The following GET1 variants were observed in gnomAD, a reference collection of about 807,000 sequenced individuals.
The protein encoded by GET1 is congenital heart disease 5 protein.
GET1 carries 20 observed loss-of-function variants against 22.6 expected under a neutral mutation model. The ratio of observed to expected loss-of-function variants is 0.89; its 90% CI spans 0.62 to 1.29. The LOEUF (loss-of-function observed/expected upper bound fraction) is 1.29. Among genes scored for constraint, GET1 ranks in the 50% most tolerant of loss-of-function variants. The pLI, the probability that GET1 is intolerant of heterozygous loss-of-function variation, is 0.00. For synonymous variants in GET1, 92 were observed against 83.8 expected, an observed-to-expected ratio of 1.10 and a Z score of -0.53; for missense variants, 209 against 219.9, an observed-to-expected ratio of 0.95 and a Z score of 0.31.
chr21:39,407,925 C>T (rs2039386723), downstream of GET1: 2 of 152,204 alleles, frequency 1.3e-5, no homozygotes, highest in Non-Finnish European at 2.9e-5. Context: ...CCGGTGAGTT[C>T]TGTCAAACTA....
downstream of GET1, among the ~76,000 whole-genome samples, chr21:39,400,338 C>T (rs1212015738): frequency 2.0e-5 from 3 of 152,128 alleles, no homozygotes; most frequent in African/African-American, 7.2e-5. Context: ...TTTTGTTTCT[C>T]TTGTTGTAGA....
rs112768002 is a variant in GET1 at position 39,390,677 on chromosome 21, C to G, written c.103-21C>G. The G allele has an allele frequency of 2.7e-3, 4,349 of 1,613,350 alleles. 102 individuals are homozygous for G. The African/African-American group carries it at 0.051, about 19-fold the overall frequency. ...GTGACCCGTGTTGGAAGGTGCTGAT[C>G]CCCGTTGTCCGCCCTGCCAGATGTC... On this transcript the variant is annotated intron_variant, in intron 1 of 4. Coordinates refer to ENST00000649170, the MANE Select transcript of GET1 (RefSeq NM_004627.6).
chr21:39,411,765 C>T (rs2040120251), intron 1 of GET1: 1 of 1,590,230 alleles, frequency 6.3e-7, no homozygotes. Context: ...TATTCGATGA[C>T]TATAGATGTT....
chr21:39,411,510 G>A (rs745397448), downstream of GET1, among the ~76,000 whole-genome samples: 7 of 152,180 alleles, frequency 4.6e-5, no homozygotes, highest in Non-Finnish European at 1.0e-4. Context: ...ATAAAGGGGT[G>A]TGCTGAGGAT....
rs549811035 is a variant in GET1, at chr21:39,419,534, AAG to A, written c.*23+8599_*23+8600del. The stretch of plus-strand genomic sequence containing the variant: ...AGCAAGACCCTGTTCAAAAAAAAAA[AAG>A]AAAAAAGAAAAAAGAAAGAAAGGGA... On this transcript the variant is annotated intron_variant, in intron 1 of 1. Transcript: ENST00000478273. 8.7e-3 allele frequency among the ~76,000 whole-genome samples: 1,201 copies of A among 138,092 alleles called. 31 individuals are homozygous for A. The highest frequency in any genetic ancestry group is 0.039 in the African/African-American group (1,139 of 29,406). The allele number at this position is 138,092 out of a possible 152,430, so 90.6% of individuals were successfully genotyped here. A position where few individuals can be genotyped will look rare whatever the true frequency, so the allele number is the denominator to read the frequency against.
downstream of GET1, chr21:39,410,040 A>T (rs200806567): frequency 3.7e-6 from 6 of 1,610,802 alleles, no homozygotes; most frequent in African/African-American, 2.7e-5. Flanking sequence ...GAGGAATTTC[A>T]TGATTTATTT....
Position 39,380,720 on chromosome 21 carries a change from T to G in GET1, c.102+234T>G, listed in dbSNP as rs561694747. 93 of 1,267,336 alleles carry G rather than the reference T, an allele frequency of 7.3e-5. No homozygotes were observed. The East Asian group carries it at 1.9e-3, about 26-fold the overall frequency. The allele number at this position is 1,267,336 out of a possible 1,614,324, so 78.5% of individuals were successfully genotyped here. A position where few individuals can be genotyped will look rare whatever the true frequency, so the allele number is the denominator to read the frequency against. On this transcript the variant is annotated intron_variant, in intron 1 of 4. Coordinates refer to ENST00000649170, the MANE Select transcript of GET1 (RefSeq NM_004627.6). Reference sequence around the variant, plus strand: ...GGAGAAACACCGGGCAACCCTGGACTCTTCTGGCTGTGGGTGGCGGCGGCG... The same window carrying G: ...GGAGAAACACCGGGCAACCCTGGACGCTTCTGGCTGTGGGTGGCGGCGGCG...
chr21:39,417,788 T>G (rs189904289), intron 1 of GET1, among the ~76,000 whole-genome samples: 1 of 151,944 alleles, frequency 6.6e-6, no homozygotes. Context: ...TTTTTTGAGA[T>G]GGAGTCTCGC....
chr21:39,397,067 T>A lies in GET1; in HGVS notation c.*128T>A. 1 of 953,446 alleles carries A rather than the reference T, an allele frequency of 1.0e-6. No homozygotes were observed. The highest frequency in any genetic ancestry group is 1.6e-6 in the Non-Finnish European group (1 of 641,040). 59.1% of individuals were successfully genotyped at this position (953,446 alleles called of 1,614,324 possible). A position where few individuals can be genotyped will look rare whatever the true frequency, so the allele number is the denominator to read the frequency against. The stretch of plus-strand genomic sequence containing the variant: ...GTTTAGATTTTTTTTTTGTTGAATA[T>A]GTTTGTTCTTGGACTTTATGAGAGA... On this transcript the variant is annotated 3_prime_UTR_variant, in exon 5 of 5. Coordinates refer to ENST00000649170, the MANE Select transcript of GET1 (RefSeq NM_004627.6).
intron 4 of GET1, among the ~76,000 whole-genome samples, 193 bp from the exon 5 acceptor site, chr21:39,396,673 G>A (rs1291639146): frequency 6.6e-5 from 9 of 136,660 alleles, no homozygotes; most frequent in Non-Finnish European, 9.3e-5. Context: ...GGGACAGAGC[G>A]AGACTCCGTC....
intron 1 of GET1, among the ~76,000 whole-genome samples, chr21:39,416,943 T>C (rs902776996): frequency 6.6e-6 from 1 of 152,224 alleles, no homozygotes; most frequent in Non-Finnish European, 1.5e-5. Flanking sequence ...CAGCGTTCCC[T>C]GTCTGCAGGT....
intron 4 of GET1, 138 bp from the exon 5 acceptor site, chr21:39,396,728 G>GA: frequency 1.7e-6 from 1 of 585,670 alleles, no homozygotes. Context: ...TTGAACCTAT[G>GA]AAACATAAAC....
intron 1 of GET1, among the ~76,000 whole-genome samples, chr21:39,386,735 TATTAC>T (rs2037930862): frequency 6.6e-6 from 1 of 152,268 alleles, no homozygotes; most frequent in Non-Finnish European, 1.5e-5. Context: ...ATATTTGCAT[TATTAC>T]ATTTAGATTC....
intron 3 of GET1, among the ~76,000 whole-genome samples, chr21:39,392,258 G>A (rs944854076): frequency 5.9e-5 from 9 of 152,096 alleles, no homozygotes; most frequent in South Asian, 2.1e-4. Context: ...CAGCTTTTCC[G>A]ACTGGAATTG....
intron 1 of GET1, chr21:39,423,542 A>T: frequency 1.4e-6 from 2 of 1,426,046 alleles, no homozygotes; most frequent in Non-Finnish European, 1.9e-6. Context: ...CAGATATGCA[A>T]ATATGCACAT....
At chr21:39,427,149 A>G (rs2074862415) in intron 1 of GET1, among the ~76,000 whole-genome samples, 1 of 152,206 alleles carries the variant, frequency 6.6e-6, no homozygotes, top group Non-Finnish European at 1.5e-5. Flanking sequence ...CCCAAACAGC[A>G]GGCCCTTTAT....
chr21:39,380,898 C>T, intron 1 of GET1: 1 of 905,882 alleles, frequency 1.1e-6, no homozygotes, highest in Non-Finnish European at 1.3e-6. Context: ...TGGATCCTCG[C>T]GTCCAGGAGC....
downstream of GET1, chr21:39,410,276 A>G (rs1332812725): frequency 6.2e-7 from 1 of 1,603,728 alleles, no homozygotes; most frequent in Admixed American, 1.7e-5. Context: ...TAGTTGTCAA[A>G]GGTGGAACAT....
At chr21:39,414,574 G>A (rs2040704631) in intron 1 of GET1, among the ~76,000 whole-genome samples, 1 of 152,060 alleles carries the variant, frequency 6.6e-6, no homozygotes, top group South Asian at 2.1e-4. Flanking sequence ...CAACAACCTC[G>A]TGACTCGCTA....
Sources: gnomAD v4.1 joint callset for allele counts (sites outside exome capture counted in the v4.1 genomes callset) on GRCh38, gnomAD v4.1.1 for gene constraint, MANE v1.5 for transcripts, NCBI Gene and HGNC (gene_info 2026-07-23, HGNC 2026-07-21) for gene names.